Variants in SLC24A2 observed in about 807,000 individuals in gnomAD.
The protein encoded by SLC24A2 is solute carrier family 24 member 2, also known as sodium/potassium/calcium exchanger 2.
SLC24A2 carries 36 observed loss-of-function variants against 62.0 expected under a neutral mutation model. The ratio of observed to expected loss-of-function variants is 0.58; its 90% confidence interval spans 0.44 to 0.77. SLC24A2 has a LOEUF of 0.77. Ranked by LOEUF, SLC24A2 falls within the 30% of genes least tolerant of loss-of-function variation. The pLI, the probability that SLC24A2 is intolerant of heterozygous loss-of-function variation, is 0.00. For missense variants in SLC24A2, 846 were observed against 817.9 expected, an observed-to-expected ratio of 1.03 and a Z score of -0.42; for synonymous variants, 358 against 294.0, an observed-to-expected ratio of 1.22 and a Z score of -2.23.
the SLC24A2 span, among the ~76,000 whole-genome samples, chr9:20,153,632 C>A: frequency 1.3e-5 from 2 of 151,712 alleles, no homozygotes; most frequent in African/African-American, 4.8e-5. Context: ...TTACTATGGG[C>A]TCAGGAGGAG....
the SLC24A2 span, among the ~76,000 whole-genome samples, chr9:20,139,365 C>A: frequency 6.6e-6 from 1 of 152,132 alleles, no homozygotes; most frequent in Non-Finnish European, 1.5e-5. Flanking sequence ...ATGGGGATGG[C>A]AGCAATATAT....
chr9:20,027,147 T>A, the SLC24A2 span, among the ~76,000 whole-genome samples: 1 of 151,982 alleles, frequency 6.6e-6, no homozygotes, highest in Non-Finnish European at 1.5e-5. Flanking sequence ...CAATGACTAT[T>A]ATCAAAAGGA....
At chr9:19,894,047 G>T in the SLC24A2 span, among the ~76,000 whole-genome samples, 1 of 152,216 alleles carries the variant, frequency 6.6e-6, no homozygotes, top group African/African-American at 2.4e-5. Context: ...AGCTGCAAGA[G>T]AGACTGATAA....
intron 2 of SLC24A2, among the ~76,000 whole-genome samples, chr9:19,682,363 A>G (rs896147003): frequency 6.6e-6 from 1 of 152,142 alleles, no homozygotes; most frequent in African/African-American, 2.4e-5. Context: ...TGTAAGCCCA[A>G]CCGGGAGAAA....
intron 2 of SLC24A2, among the ~76,000 whole-genome samples, chr9:19,724,332 C>T: frequency 6.6e-6 from 1 of 152,144 alleles, no homozygotes. Context: ...TACACAGCAG[C>T]ATGTGATAAC....
the SLC24A2 span, among the ~76,000 whole-genome samples, chr9:19,983,553 G>T: frequency 6.6e-6 from 1 of 152,144 alleles, no homozygotes; most frequent in Middle Eastern, 3.2e-3. Context: ...TGAGGCAGGA[G>T]AATTGCTTGT....
At chr9:20,197,622 G>A in the SLC24A2 span, among the ~76,000 whole-genome samples, 1 of 151,956 alleles carries the variant, frequency 6.6e-6, no homozygotes, top group Admixed American at 6.6e-5. Context: ...TAGAGAGACA[G>A]GGTTTTACCG....
chr9:19,964,344 A>T, the SLC24A2 span, among the ~76,000 whole-genome samples: 1 of 152,000 alleles, frequency 6.6e-6, no homozygotes, highest in Non-Finnish European at 1.5e-5. Flanking sequence ...CATTGTGCAC[A>T]TGTACCCTAA....
At chr9:19,695,943 T>C (rs1053224981) in intron 2 of SLC24A2, among the ~76,000 whole-genome samples, 1 of 152,106 alleles carries the variant, frequency 6.6e-6, no homozygotes, top group Non-Finnish European at 1.5e-5. Context: ...CTTTACTATA[T>C]CTACTTTAAG....
chr9:20,061,756 T>G, the SLC24A2 span, among the ~76,000 whole-genome samples: 1 of 152,042 alleles, frequency 6.6e-6, no homozygotes, highest in Non-Finnish European at 1.5e-5. Context: ...CAGGAGAAGA[T>G]TTGTACGGCC....
At chr9:19,567,099 A>G (rs1049505655) in intron 7 of SLC24A2, among the ~76,000 whole-genome samples, 1 of 150,550 alleles carries the variant, frequency 6.6e-6, no homozygotes, top group African/African-American at 2.5e-5. Flanking sequence ...CCTAGAACTT[A>G]AAGTATAATA....
the SLC24A2 span, among the ~76,000 whole-genome samples, chr9:20,056,811 G>A: frequency 1.3e-5 from 2 of 152,102 alleles, no homozygotes; most frequent in Admixed American, 1.3e-4. Flanking sequence ...GTAACATGAG[G>A]GAAAGTGATA....
At chr9:20,106,461 C>A in the SLC24A2 span, among the ~76,000 whole-genome samples, 11 of 152,286 alleles carry the variant, frequency 7.2e-5, no homozygotes, top group South Asian at 2.1e-4. Context: ...AAAATACTGG[C>A]AAACCGAATC....
the SLC24A2 span, among the ~76,000 whole-genome samples, chr9:19,825,122 A>G: frequency 6.6e-6 from 1 of 152,180 alleles, no homozygotes. Flanking sequence ...ACACCATGGC[A>G]CATGTATACC....
At chr9:19,578,358 C>CAAAAAAAAAAAAAAAAAAAAAAAAAAAA (rs3085616) in intron 5 of SLC24A2, among the ~76,000 whole-genome samples, 2 of 135,644 alleles carry the variant, frequency 1.5e-5, no homozygotes, top group African/African-American at 2.8e-5. Flanking sequence ...TGCAATAAGC[C>CAAAAAAAAAAAAAAAAAAAAAAAAAAAA]AAAAAAAAAA....
chr9:20,225,127 G>A, the SLC24A2 span, among the ~76,000 whole-genome samples: 1 of 152,052 alleles, frequency 6.6e-6, no homozygotes, highest in East Asian at 1.9e-4. Context: ...TCTGTCTCAG[G>A]CTTTGCTGCT....
At chr9:19,722,353 G>T (rs994139575) in intron 2 of SLC24A2, among the ~76,000 whole-genome samples, 2 of 152,054 alleles carry the variant, frequency 1.3e-5, no homozygotes, top group African/African-American at 4.8e-5. Flanking sequence ...AACTGAGAAT[G>T]CTAGGTTCAA....
chr9:19,669,127 A>C (rs1390615987), intron 2 of SLC24A2, among the ~76,000 whole-genome samples: 3 of 152,182 alleles, frequency 2.0e-5, no homozygotes, highest in Non-Finnish European at 2.9e-5. Context: ...GAAGAGAATA[A>C]GAGGGAAAAG....
the SLC24A2 span, among the ~76,000 whole-genome samples, chr9:20,103,128 G>A: frequency 6.6e-6 from 1 of 152,184 alleles, no homozygotes; most frequent in Non-Finnish European, 1.5e-5. Flanking sequence ...ACTGCAAGGT[G>A]GCAGCCAGGC....
Sources: gnomAD v4.1 joint callset for allele counts (sites outside exome capture counted in the v4.1 genomes callset) on GRCh38, gnomAD v4.1.1 for gene constraint, MANE v1.5 for transcripts, NCBI Gene and HGNC (gene_info 2026-07-23, HGNC 2026-07-21) for gene names.